USP35: variants seen among roughly 807,000 people sequenced by gnomAD.
The protein encoded by USP35 is ubiquitin carboxyl-terminal hydrolase 35.
A neutral mutation model predicts 83.8 loss-of-function variants in USP35; 69 were observed. The ratio of observed to expected loss-of-function variants is 0.82; its 90% CI spans 0.68 to 1.01. The LOEUF (loss-of-function observed/expected upper bound fraction) is 1.01. Ranked by LOEUF, USP35 falls within the 50% of genes least tolerant of loss-of-function variation. The pLI, the probability that USP35 is intolerant of heterozygous loss-of-function variation, is 0.00. For missense variants in USP35, 1,503 were observed against 1,362.5 expected, an observed-to-expected ratio of 1.10 and a Z score of -1.62; for synonymous variants, 714 against 589.5, an observed-to-expected ratio of 1.21 and a Z score of -3.06.
Position 78,213,693 on chromosome 11 carries a change from CCCCACATCTCCGCACTG to C in USP35, c.2938_2954del (p.Pro980GlyfsTer5), listed in dbSNP as rs765493236. On this transcript the variant is annotated frameshift_variant, in exon 11 of 11. Coordinates refer to ENST00000529308, the MANE Select transcript of USP35 (RefSeq NM_020798.4). LOFTEE classifies it high-confidence loss of function. ...GCAGGGCGGCCTACATCTCTGCACT[CCCCACATCTCCGCACTG>C]GGGGAGGGGCTTTGATGAAGACAAG... is the stretch of plus-strand genomic sequence containing the variant. The C allele has an allele frequency of 7.9e-6, 12 of 1,527,058 alleles. No individual in the cohort carries two copies. In the South Asian group the frequency reaches 1.0e-4, roughly 13 times the overall value. 94.6% of individuals were successfully genotyped at this position (1,527,058 alleles called of 1,614,324 possible). A position where few individuals can be genotyped will look rare whatever the true frequency, so the allele number is the denominator to read the frequency against.
At chr11:78,220,419 A>G in the USP35 span, 1 of 1,589,712 alleles carries the variant, frequency 6.3e-7, no homozygotes, top group Admixed American at 1.7e-5. Context: ...GCCACTGGGA[A>G]CGGGAGATGC....
chr11:78,217,888 C>T (rs1864228666), downstream of USP35: 1 of 152,386 alleles, frequency 6.6e-6, no homozygotes, highest in Admixed American at 6.5e-5. Flanking sequence ...AGCTGTCAGC[C>T]ATGCCTGATG....
chr11:78,221,722 G>A, the USP35 span: 5 of 1,613,852 alleles, frequency 3.1e-6, no homozygotes, highest in Non-Finnish European at 4.2e-6. Context: ...CTGTGCTGGT[G>A]ATGCTCTGGG....
chr11:78,222,274 G>T, the USP35 span: 2 of 910,506 alleles, frequency 2.2e-6, no homozygotes, highest in African/African-American at 1.6e-5. Context: ...TAACACATGA[G>T]CATGTTTATA....
intron 1 of USP35, among the ~76,000 whole-genome samples, chr11:78,195,966 G>T (rs1301552508): frequency 1.3e-5 from 2 of 152,182 alleles, no homozygotes; most frequent in Admixed American, 1.3e-4. Flanking sequence ...GGGCTCAAGG[G>T]ATCCTGCTGC....
chr11:78,213,498 G>C (rs2450139), intron 10 of USP35, 148 bp from the exon 11 acceptor site: 2 of 911,676 alleles, frequency 2.2e-6, no homozygotes, highest in African/African-American at 3.5e-5. Context: ...TGTCCACCCC[G>C]GATATCCTGC....
chr11:78,198,547 T>C, intron 3 of USP35: 18 of 924,434 alleles, frequency 1.9e-5, no homozygotes, highest in Non-Finnish European at 2.3e-5. Flanking sequence ...GCCTGTCCAG[T>C]TGTCCCAGAA....
At chr11:78,229,564 G>C in the USP35 span, among the ~76,000 whole-genome samples, 163 of 152,184 alleles carry the variant, frequency 1.1e-3, no homozygotes, top group African/African-American at 3.8e-3. Context: ...CAGAAACCTG[G>C]GAGTCACCCA....
Position 78,197,954 on chromosome 11 carries a change from G to T in USP35, c.692G>T (p.Ser231Ile). 6.2e-7 allele frequency: 1 copy of T among 1,614,184 alleles called. No individual in the cohort carries two copies. ...GTTCCAGAGGAGGAGCCACCATCTAGCGCCCTGGCCAGCGTGGTCCAGCAC... is the reference window on the plus strand; with the variant it reads ...GTTCCAGAGGAGGAGCCACCATCTATCGCCCTGGCCAGCGTGGTCCAGCAC... ...ISCAEEEPPSSALASVVQHLP... is the reference protein window; with the variant it reads ...ISCAEEEPPSIALASVVQHLP... The change falls in exon 3 of 11, where the codon AGC becomes ATC. Residue 231 changes from serine (S) to isoleucine (I), a missense_variant. Transcript: ENST00000529308.
Position 78,210,673 on chromosome 11 carries a change from G to A in USP35, c.2818G>A (p.Val940Ile). The A allele has an allele frequency of 1.9e-6, 3 of 1,611,636 alleles. No homozygotes were observed. Among genetic ancestry groups the A allele is most frequent in the Non-Finnish European group, 2.5e-6 (3 of 1,178,650 alleles). The part of the protein sequence containing the change: ...GPEAELGSSR[V>I]RTEPTLHKDL... ...CGAGGCTGAGTTGGGCTCTTCTAGAGTCCGGACAGAGCCCACCCTGCACAA... is the reference window on the plus strand; with the variant it reads ...CGAGGCTGAGTTGGGCTCTTCTAGAATCCGGACAGAGCCCACCCTGCACAA... The change falls in exon 10 of 11, where the codon GTC becomes ATC. Residue 940 changes from valine to isoleucine, a missense_variant. Coordinates refer to ENST00000529308, the MANE Select transcript of USP35 (RefSeq NM_020798.4).
chr11:78,219,010 A>G (rs1295066096), downstream of USP35: 1 of 444,834 alleles, frequency 2.2e-6, no homozygotes, highest in Non-Finnish European at 4.0e-6. Context: ...TTTTGGAAGT[A>G]GCTCCTAACT....
chr11:78,194,272 T>C (rs114277284), intron 1 of USP35, among the ~76,000 whole-genome samples: 3,264 of 152,078 alleles, frequency 0.021, 121 homozygotes, highest in African/African-American at 0.074. Flanking sequence ...GGGCCCTTTG[T>C]ATCGTAACAC....
chr11:78,209,636 C>T lies in USP35; in HGVS notation c.1781C>T (p.Thr594Met), dbSNP rs769630717. The change falls in exon 10 of 11, where the codon ACG becomes ATG. Residue 594 changes from threonine to methionine, a missense_variant. Coordinates refer to ENST00000529308, the MANE Select transcript of USP35 (RefSeq NM_020798.4). ...GTCTCCTCCCGGGAGGAGGCCTTCA[C>T]GGACCTCTCTCTCGCCTTCCCTCCT... The part of the protein sequence containing the change: ...LNVSSREEAF[T>M]DLSLAFPPPE... 1.5e-4 allele frequency: 239 copies of T among 1,614,092 alleles called. 2 individuals are homozygous for T. The South Asian group carries it at 1.7e-3, about 12-fold the overall frequency.
intron 6 of USP35, among the ~76,000 whole-genome samples, chr11:78,201,430 C>T (rs1158798177): frequency 1.3e-5 from 2 of 152,226 alleles, no homozygotes; most frequent in Admixed American, 6.5e-5. Flanking sequence ...GAGAGGATCG[C>T]AGCCTGGTGA....
downstream of USP35, chr11:78,216,087 T>A (rs1852819293): frequency 2.6e-5 from 4 of 151,952 alleles, no homozygotes; most frequent in Admixed American, 1.3e-4. Context: ...GAGGAGGGAG[T>A]CTCCCCTTCA....
chr11:78,219,309 C>T (rs778418186), downstream of USP35: 6 of 1,613,718 alleles, frequency 3.7e-6, no homozygotes, highest in East Asian at 2.2e-5. Context: ...TGAGGACTGC[C>T]GCACGTCTGT....
the USP35 span, among the ~76,000 whole-genome samples, chr11:78,233,687 A>G: frequency 2.0e-5 from 3 of 151,818 alleles, no homozygotes; most frequent in African/African-American, 7.3e-5. Context: ...GCTCACTGCA[A>G]CCTCCACCTC....
intron 6 of USP35, among the ~76,000 whole-genome samples, chr11:78,203,887 C>CATT (rs1555086612): frequency 8.0e-6 from 1 of 124,414 alleles, no homozygotes; most frequent in East Asian, 2.5e-4. Flanking sequence ...CCATATTTTT[C>CATT]TTTTCTTTTT....
the USP35 span, chr11:78,223,413 T>C: frequency 1.3e-6 from 2 of 1,523,264 alleles, no homozygotes; most frequent in South Asian, 2.6e-5. Flanking sequence ...TGGACTTACC[T>C]TTCCGATCAG....
Sources: gnomAD v4.1 joint callset for allele counts (sites outside exome capture counted in the v4.1 genomes callset) on GRCh38, gnomAD v4.1.1 for gene constraint, MANE v1.5 for transcripts, NCBI Gene and HGNC (gene_info 2026-07-23, HGNC 2026-07-21) for gene names.